STAMBPL1: variants seen among roughly 807,000 people sequenced by gnomAD.
STAMBPL1 encodes the protein AMSH-like protease.
STAMBPL1 carries 44 observed loss-of-function variants against 52.9 expected under a neutral mutation model. The ratio of observed to expected loss-of-function variants is 0.83; its 90% CI spans 0.65 to 1.07. STAMBPL1 has a LOEUF of 1.07. STAMBPL1 is among the 50% of genes least tolerant of loss of function. The pLI is 0.00. For synonymous variants in STAMBPL1, 164 were observed against 177.3 expected (o/e 0.92, Z 0.60); for missense variants, 511 against 520.8 (o/e 0.98, Z 0.18).
chr10:88,888,095 C>T (rs1844583343), intron 1 of STAMBPL1, among the ~76,000 whole-genome samples: 1 of 152,084 alleles, frequency 6.6e-6, no homozygotes, highest in Non-Finnish European at 1.5e-5. Context: ...AATCAGGAAA[C>T]CACAGGGTTG....
At chr10:88,907,278 G>T (rs917488010) in intron 3 of STAMBPL1, among the ~76,000 whole-genome samples, 1 of 152,126 alleles carries the variant, frequency 6.6e-6, no homozygotes, top group South Asian at 2.1e-4. Flanking sequence ...AGTTTACATG[G>T]TATGCAAAAA....
At chr10:88,916,583 C>T (rs1845375385) in intron 7 of STAMBPL1, 97 bp from the exon 8 acceptor site, 1 of 1,260,242 alleles carries the variant, frequency 7.9e-7, no homozygotes, top group Admixed American at 3.2e-5. Flanking sequence ...CACCCCCCTG[C>T]TGGGGGACTC....
chr10:88,892,575 A>G (rs1372479403), intron 1 of STAMBPL1, among the ~76,000 whole-genome samples: 1 of 152,208 alleles, frequency 6.6e-6, no homozygotes, highest in Non-Finnish European at 1.5e-5. Flanking sequence ...GAGCTCTTCA[A>G]GAAAACTCTT....
At chr10:88,921,503 G>T in intron 9 of STAMBPL1, 108 bp downstream of exon 9, 1 of 815,504 alleles carries the variant, frequency 1.2e-6, no homozygotes, top group Non-Finnish European at 2.0e-6. Flanking sequence ...AGCACACAAC[G>T]CCCTCGGGAA....
intron 1 of STAMBPL1, among the ~76,000 whole-genome samples, chr10:88,883,589 A>G (rs542722541): frequency 3.3e-5 from 5 of 152,334 alleles, no homozygotes; most frequent in Admixed American, 3.3e-4. Flanking sequence ...GTCTAGTACA[A>G]TCTTCCATCT....
At chr10:88,914,989 T>G (rs983752129) in intron 7 of STAMBPL1, among the ~76,000 whole-genome samples, 2 of 152,158 alleles carry the variant, frequency 1.3e-5, no homozygotes, top group Middle Eastern at 3.2e-3. Context: ...AAATTTTCAT[T>G]GTAATTGTTA....
At chr10:88,892,782 C>A (rs569789711) in intron 1 of STAMBPL1, among the ~76,000 whole-genome samples, 1 of 152,254 alleles carries the variant, frequency 6.6e-6, no homozygotes, top group Admixed American at 6.5e-5. Context: ...CCCTCTTTTG[C>A]TTTTGAATAA....
rs1166020096 is a variant in STAMBPL1, at chr10:88,910,899, A to G, written c.325-17A>G. 2.6e-6 allele frequency: 4 copies of G among 1,533,082 alleles called. No individual in the cohort carries two copies. The highest frequency in any genetic ancestry group is 2.8e-5 in the African/African-American group (2 of 71,592). The allele number at this position is 1,533,082 out of a possible 1,614,324, so 95.0% of individuals were successfully genotyped here. A position where few individuals can be genotyped will look rare whatever the true frequency, so the allele number is the denominator to read the frequency against. On this transcript the variant is annotated splice_polypyrimidine_tract_variant and intron_variant, in intron 4 of 10. Coordinates refer to ENST00000371926, the MANE Select transcript of STAMBPL1 (RefSeq NM_020799.4). ...TTGAAAATCCCACTAATCAATATGT[A>G]TATATATTTTTAAAAGAAACTGAAG...
intron 1 of STAMBPL1, among the ~76,000 whole-genome samples, chr10:88,899,580 A>G (rs11202885): frequency 0.054 from 8,220 of 152,072 alleles, 574 homozygotes; most frequent in African/African-American, 0.16. Flanking sequence ...TGCCATCTCA[A>G]CTCACTGCAT....
chr10:88,907,650 C>T (rs1589369082), intron 3 of STAMBPL1, among the ~76,000 whole-genome samples: 2 of 152,238 alleles, frequency 1.3e-5, no homozygotes, highest in East Asian at 3.9e-4. Context: ...TCTTCCTGGG[C>T]CTTAGTTCCT....
intron 2 of STAMBPL1, among the ~76,000 whole-genome samples, chr10:88,902,612 C>A (rs1844972698): frequency 6.6e-6 from 1 of 151,918 alleles, no homozygotes; most frequent in African/African-American, 2.4e-5. Flanking sequence ...CTCTGTCACT[C>A]AGGCTGGAGT....
intron 2 of STAMBPL1, among the ~76,000 whole-genome samples, chr10:88,904,075 A>G (rs1845013370): frequency 6.6e-6 from 1 of 152,144 alleles, no homozygotes; most frequent in African/African-American, 2.4e-5. Flanking sequence ...GCTTACCTTG[A>G]CTTCTTTTAT....
intron 1 of STAMBPL1, among the ~76,000 whole-genome samples, chr10:88,888,791 A>G (rs761691928): frequency 6.6e-6 from 1 of 152,244 alleles, no homozygotes; most frequent in Non-Finnish European, 1.5e-5. Context: ...ATTCAAGTTC[A>G]GGGCAACCTA....
intron 2 of STAMBPL1, among the ~76,000 whole-genome samples, chr10:88,904,902 A>C (rs1845033986): frequency 6.6e-6 from 1 of 151,774 alleles, no homozygotes; most frequent in South Asian, 2.1e-4. Flanking sequence ...TCCAGGACTT[A>C]CTTGTGGGTT....
At chr10:88,902,136 C>T (rs10788618) in intron 2 of STAMBPL1, among the ~76,000 whole-genome samples, 48,624 of 151,958 alleles carry the variant, frequency 0.32, 8,372 homozygotes, top group South Asian at 0.54. Flanking sequence ...CACCTAGGTA[C>T]TGCTTTGGAT....
intron 2 of STAMBPL1, among the ~76,000 whole-genome samples, chr10:88,903,415 G>A (rs1844996094): frequency 6.6e-6 from 1 of 152,268 alleles, no homozygotes; most frequent in Admixed American, 6.5e-5. Flanking sequence ...ACATTCTAGG[G>A]AACAGAGATA....
chr10:88,885,977 G>A (rs566122812), intron 1 of STAMBPL1, among the ~76,000 whole-genome samples: 2 of 152,172 alleles, frequency 1.3e-5, no homozygotes, highest in African/African-American at 4.8e-5. Context: ...ACTTTTTCTT[G>A]GTCTTGTATA....
At chr10:88,896,446 C>T (rs937658165) in intron 1 of STAMBPL1, among the ~76,000 whole-genome samples, 1 of 152,156 alleles carries the variant, frequency 6.6e-6, no homozygotes, top group Non-Finnish European at 1.5e-5. Context: ...TAGGTCATTG[C>T]AGCCTACAGG....
chr10:88,912,830 AG>A (rs1845261244), intron 5 of STAMBPL1: 3 of 340,544 alleles, frequency 8.8e-6, no homozygotes, highest in Non-Finnish European at 1.6e-5. Context: ...TTGATTTTCC[AG>A]TATTTAAAAG....
Sources: gnomAD v4.1 joint callset for allele counts (sites outside exome capture counted in the v4.1 genomes callset) on GRCh38, gnomAD v4.1.1 for gene constraint, MANE v1.5 for transcripts, NCBI Gene and HGNC (gene_info 2026-07-23, HGNC 2026-07-21) for gene names.